CPLX2: variants seen among roughly 807,000 people sequenced by gnomAD.
The protein encoded by CPLX2 is complexin-2.
Under a neutral mutation model 16.3 loss-of-function variants are expected in CPLX2, and 5 were observed. The observed-to-expected ratio is 0.31, with a 90% confidence interval of 0.16 to 0.64. The LOEUF (loss-of-function observed/expected upper bound fraction) is 0.64. Ranked by LOEUF, CPLX2 falls within the 30% of genes least tolerant of loss-of-function variation. The pLI is 0.79. For missense variants in CPLX2, 144 were observed against 181.4 expected, an observed-to-expected ratio of 0.79 and a Z score of 1.18; for synonymous variants, 89 against 73.2, an observed-to-expected ratio of 1.22 and a Z score of -1.10.
chr5:175,827,920 C>T (rs1322753134), intron 2 of CPLX2, among the ~76,000 whole-genome samples: 2 of 152,122 alleles, frequency 1.3e-5, no homozygotes, highest in Non-Finnish European at 2.9e-5. Context: ...ATAGAAAGAC[C>T]CAGACTCTGC....
chr5:175,807,723 C>T (rs1373355185), intron 1 of CPLX2, among the ~76,000 whole-genome samples: 2 of 152,166 alleles, frequency 1.3e-5, no homozygotes, highest in African/African-American at 2.4e-5. Flanking sequence ...ATTCACTCAA[C>T]ATATACTTAT....
At chr5:175,875,532 A>G (rs1395563375) in intron 1 of CPLX2, among the ~76,000 whole-genome samples, 4 of 152,246 alleles carry the variant, frequency 2.6e-5, no homozygotes, top group Non-Finnish European at 5.9e-5. Context: ...CTCATTTTAT[A>G]GAGAAGATCA....
intron 2 of CPLX2, among the ~76,000 whole-genome samples, chr5:175,840,606 C>T (rs535550797): frequency 2.0e-4 from 31 of 152,266 alleles, no homozygotes; most frequent in East Asian, 1.5e-3. Flanking sequence ...TCATGGAGGA[C>T]GAAAAATCAG....
At chr5:175,823,372 A>G (rs1350108816) in intron 2 of CPLX2, among the ~76,000 whole-genome samples, 2 of 152,112 alleles carry the variant, frequency 1.3e-5, no homozygotes, top group Non-Finnish European at 2.9e-5. Flanking sequence ...AGATGAGGGT[A>G]GGTGAATGAA....
At chr5:175,869,121 G>C (rs1759531873), upstream of CPLX2, among the ~76,000 whole-genome samples, 1 of 152,180 alleles carries the variant, frequency 6.6e-6, no homozygotes, top group Admixed American at 6.5e-5. Context: ...GTCAAGGCTG[G>C]TAACACTGAA....
upstream of CPLX2, chr5:175,871,453 G>A (rs1483875850): frequency 2.3e-4 from 31 of 136,786 alleles, no homozygotes; most frequent in African/African-American, 8.0e-4. Context: ...GAGAGAGAGA[G>A]AGAGAGAGAG....
chr5:175,801,633 C>T (rs1219104099), intron 1 of CPLX2, among the ~76,000 whole-genome samples: 2 of 152,116 alleles, frequency 1.3e-5, no homozygotes, highest in Non-Finnish European at 2.9e-5. Context: ...AAAGTGGAGA[C>T]GATGAGAGTC....
At chr5:175,835,091 T>C (rs1581083053) in intron 2 of CPLX2, among the ~76,000 whole-genome samples, 2 of 152,188 alleles carry the variant, frequency 1.3e-5, no homozygotes, top group African/African-American at 2.4e-5. Flanking sequence ...TTAAGATATG[T>C]TTGAAGTTCA....
chr5:175,816,206 T>A (rs966049454), intron 2 of CPLX2, among the ~76,000 whole-genome samples: 10 of 151,914 alleles, frequency 6.6e-5, no homozygotes, highest in Non-Finnish European at 7.4e-5. Context: ...TCTCACTCTG[T>A]CGCCAGGCTG....
chr5:175,800,443 C>T (rs551511268), intron 1 of CPLX2, among the ~76,000 whole-genome samples: 1 of 151,942 alleles, frequency 6.6e-6, no homozygotes, highest in African/African-American at 2.4e-5. Flanking sequence ...TGAGATCATG[C>T]CACTGCACTC....
intron 2 of CPLX2, among the ~76,000 whole-genome samples, chr5:175,843,460 G>A (rs2113671041): frequency 6.6e-6 from 1 of 152,350 alleles, no homozygotes; most frequent in Admixed American, 6.5e-5. Context: ...TGCTTACTAT[G>A]TCATGTTGCA....
upstream of CPLX2, among the ~76,000 whole-genome samples, chr5:175,869,964 G>T (rs1759554227): frequency 6.6e-6 from 1 of 152,178 alleles, no homozygotes; most frequent in African/African-American, 2.4e-5. Flanking sequence ...GAATATTCTT[G>T]AAGCACATGA....
At chr5:175,854,037 C>T (rs553576349) in intron 2 of CPLX2, among the ~76,000 whole-genome samples, 1 of 152,274 alleles carries the variant, frequency 6.6e-6, no homozygotes, top group South Asian at 2.1e-4. Context: ...CTCAGAGAGG[C>T]GCAGTGCCTT....
Position 175,849,041 on chromosome 5 carries a change from A to C in CPLX2, c.-88-29611A>C, listed in dbSNP as rs1168818874. ...ACCTGTGCTGGTTTCTTCTAAGCCA[A>C]TGGAGACTTTCAAACAGAGGTGTGT... On this transcript the variant is annotated intron_variant, in intron 2 of 4. Transcript: ENST00000359546. This position sits in a 1 kb window ranked among gnomAD's most constrained non-coding sequence, Gnocchi z 4.4. Among the ~76,000 whole-genome samples, 1 of 152,220 alleles carries C rather than the reference A, an allele frequency of 6.6e-6. No individual in the cohort carries two copies. Among genetic ancestry groups the C allele is most frequent in the Non-Finnish European group, 1.5e-5 (1 of 68,036 alleles).
intron 1 of CPLX2, among the ~76,000 whole-genome samples, chr5:175,807,727 T>C (rs563676571): frequency 8.5e-5 from 13 of 152,288 alleles, no homozygotes; most frequent in African/African-American, 3.1e-4. Context: ...ACTCAACATA[T>C]ACTTATCAAG....
intron 2 of CPLX2, among the ~76,000 whole-genome samples, chr5:175,840,245 A>C (rs1345517435): frequency 2.0e-5 from 3 of 152,202 alleles, no homozygotes; most frequent in African/African-American, 4.8e-5. Flanking sequence ...ATAATCACTA[A>C]AATGCCAACC....
chr5:175,832,005 T>C (rs555920279), intron 2 of CPLX2, among the ~76,000 whole-genome samples: 1 of 152,356 alleles, frequency 6.6e-6, no homozygotes, highest in South Asian at 2.1e-4. Flanking sequence ...TGGTCTACCC[T>C]AGGACTCTGC....
At chr5:175,816,458 A>G (rs1480683755) in intron 2 of CPLX2, among the ~76,000 whole-genome samples, 1 of 152,162 alleles carries the variant, frequency 6.6e-6, no homozygotes, top group Non-Finnish European at 1.5e-5. Context: ...GAGCCACCGC[A>G]CCCAGCCAAC....
chr5:175,815,516 C>T (rs1758391168), intron 2 of CPLX2, among the ~76,000 whole-genome samples: 1 of 152,184 alleles, frequency 6.6e-6, no homozygotes, highest in African/African-American at 2.4e-5. Context: ...ATGGTTACAC[C>T]TGGGCTGGTT....
Sources: gnomAD v4.1 joint callset for allele counts (sites outside exome capture counted in the v4.1 genomes callset) on GRCh38, gnomAD v4.1.1 for gene constraint, Gnocchi (gnomAD v3.1) non-coding constraint, MANE v1.5 for transcripts, NCBI Gene and HGNC (gene_info 2026-07-23, HGNC 2026-07-21) for gene names.